Variants in SRPK1 observed in about 807,000 individuals in gnomAD.
SRPK1 encodes the protein SRSF protein kinase 1.
SRPK1 carries 52 observed loss-of-function variants against 89.5 expected under a neutral mutation model. The observed-to-expected ratio is 0.58, with a 90% CI of 0.46 to 0.73. SRPK1 has a LOEUF of 0.73. Among genes scored for constraint, SRPK1 ranks in the 30% least tolerant of loss-of-function variants. The pLI is 0.00. For missense variants in SRPK1, 603 were observed against 780.6 expected (o/e 0.77, Z 2.71); for synonymous variants, 255 against 270.2 (o/e 0.94, Z 0.55).
chr6:35,900,028 TA>T (rs201664683), intron 2 of SRPK1, among the ~76,000 whole-genome samples: 15 of 149,158 alleles, frequency 1.0e-4, no homozygotes, highest in Non-Finnish European at 1.5e-4. Context: ...AATAAAAAAA[TA>T]AAAAAAAATA....
intron 2 of SRPK1, among the ~76,000 whole-genome samples, chr6:35,915,633 T>C (rs1367215582): frequency 6.6e-6 from 1 of 151,986 alleles, no homozygotes; most frequent in Non-Finnish European, 1.5e-5. Context: ...CTCATGATAA[T>C]GTTAACTAGG....
chr6:35,848,833 C>T (rs772962343), intron 13 of SRPK1, among the ~76,000 whole-genome samples: 74 of 152,054 alleles, frequency 4.9e-4, no homozygotes, highest in Non-Finnish European at 7.6e-4. Context: ...CATCTCACTC[C>T]GAATACAAAA....
chr6:35,873,232 T>C (rs1770071976), intron 7 of SRPK1, among the ~76,000 whole-genome samples: 2 of 152,220 alleles, frequency 1.3e-5, no homozygotes, highest in South Asian at 2.1e-4. Flanking sequence ...TTTAGAAAAT[T>C]AGAAAATGCC....
At chr6:35,852,905 T>C (rs767395321) in intron 13 of SRPK1, among the ~76,000 whole-genome samples, 17 of 152,136 alleles carry the variant, frequency 1.1e-4, no homozygotes, top group Non-Finnish European at 2.2e-4. Flanking sequence ...TGACTGTAGA[T>C]TGAAAATATT....
At chr6:35,871,912 T>C (rs1245194120) in intron 8 of SRPK1, among the ~76,000 whole-genome samples, 1 of 152,130 alleles carries the variant, frequency 6.6e-6, no homozygotes, top group Non-Finnish European at 1.5e-5. Context: ...GGCTAATTTT[T>C]TTAATTTTTG....
At chr6:35,907,110 T>C (rs1209810281) in intron 2 of SRPK1, among the ~76,000 whole-genome samples, 1 of 152,084 alleles carries the variant, frequency 6.6e-6, no homozygotes, top group East Asian at 1.9e-4. Flanking sequence ...AGAATTGATG[T>C]TTCCTGATGA....
At chr6:35,853,762 G>A (rs1016503480) in intron 13 of SRPK1, among the ~76,000 whole-genome samples, 1 of 152,186 alleles carries the variant, frequency 6.6e-6, no homozygotes, top group South Asian at 2.1e-4. Flanking sequence ...AGAAAAGGAA[G>A]ACAACTGGGG....
At chr6:35,884,723 G>A (rs1265493485) in intron 6 of SRPK1, among the ~76,000 whole-genome samples, 5 of 152,142 alleles carry the variant, frequency 3.3e-5, no homozygotes, top group African/African-American at 9.7e-5. Flanking sequence ...CTTGGGGGCC[G>A]GGCACGGTGG....
chr6:35,838,788 C>T, intron 14 of SRPK1: 4 of 1,378,092 alleles, frequency 2.9e-6, no homozygotes, highest in Non-Finnish European at 3.9e-6. Flanking sequence ...CTATAATGTG[C>T]ACAATGTGGT....
intron 6 of SRPK1, among the ~76,000 whole-genome samples, chr6:35,874,822 T>C (rs116810229): frequency 0.013 from 2,011 of 152,310 alleles, 41 homozygotes; most frequent in African/African-American, 0.046. Flanking sequence ...CTCAAAAACG[T>C]AAATGCCAAC....
intron 12 of SRPK1, among the ~76,000 whole-genome samples, chr6:35,865,169 A>G (rs1769866864): frequency 6.6e-6 from 1 of 152,168 alleles, no homozygotes; most frequent in African/African-American, 2.4e-5. Flanking sequence ...ATATTTAAAA[A>G]TAACTAGAAG....
chr6:35,920,923 G>GT (rs960790760), intron 1 of SRPK1, 121 bp downstream of exon 1: 64 of 1,164,300 alleles, frequency 5.5e-5, no homozygotes, highest in Non-Finnish European at 7.2e-5. Flanking sequence ...CGCCACCTCA[G>GT]TGGAGGGGCG....
chr6:35,890,906 T>C lies in SRPK1; in HGVS notation c.182A>G (p.Asp61Gly). The C allele has an allele frequency of 2.6e-6, 4 of 1,550,908 alleles. No homozygotes were observed. The highest frequency in any genetic ancestry group is 3.5e-6 in the Non-Finnish European group (4 of 1,146,854). The change falls in exon 3 of 16, where the codon GAT becomes GGT. Residue 61 changes from aspartate (D) to glycine (G), a missense_variant. Physicochemically the swap from Asp to Gly is moderately conservative, Grantham distance 94 (BLOSUM62 -1). Coordinates refer to ENST00000373825, the MANE Select transcript of SRPK1 (RefSeq NM_003137.5). The part of the protein sequence containing the change: ...SDDDEQEDPN[D>G]YCKGGYHLVK... ...CTTTATGAACTTACCTTTACAATAA[T>C]CATTAGGATCTTCTTGCTCATCATC... is the stretch of plus-strand genomic sequence containing the variant.
At chr6:35,871,344 A>G (rs747987860) in intron 8 of SRPK1, among the ~76,000 whole-genome samples, 14 of 152,228 alleles carry the variant, frequency 9.2e-5, no homozygotes, top group Non-Finnish European at 1.9e-4. Context: ...CAAGAGCTAT[A>G]GTAATTTGCT....
intron 14 of SRPK1, 94 bp downstream of exon 14, chr6:35,842,441 C>T (rs143955521): frequency 2.3e-6 from 2 of 868,184 alleles, no homozygotes; most frequent in African/African-American, 3.5e-5. Flanking sequence ...TGCACACTAA[C>T]AAGACTAAGG....
intron 2 of SRPK1, among the ~76,000 whole-genome samples, chr6:35,897,109 G>A (rs1445918506): frequency 6.6e-6 from 1 of 152,130 alleles, no homozygotes; most frequent in Non-Finnish European, 1.5e-5. Context: ...CTTACAGGAG[G>A]ATAAAAATGC....
intron 12 of SRPK1, among the ~76,000 whole-genome samples, chr6:35,865,151 ATAAT>A (rs1265383264): frequency 6.6e-6 from 1 of 152,154 alleles, no homozygotes; most frequent in Non-Finnish European, 1.5e-5. Context: ...ATAGTGAATA[ATAAT>A]TATATATTTA....
rs187030264 is a variant in SRPK1 at position 35,920,910 on chromosome 6, C to T, written c.13+134G>A. The T allele has an allele frequency of 2.7e-4, 260 of 947,000 alleles. 1 individual carries two copies. Among genetic ancestry groups the T allele is most frequent in the Non-Finnish European group, 3.5e-4 (235 of 670,472 alleles). 58.7% of individuals were successfully genotyped at this position (947,000 alleles called of 1,614,324 possible). ...CAGCCCAGAGGCAGGGGGTGTGGGG[C>T]GGCGCCACCTCAGTGGAGGGGCGCC... On this transcript the variant is annotated intron_variant, in intron 1 of 15. Transcript: ENST00000373825.
At position 35,916,116 on chromosome 6, in the gene SRPK1, C is replaced by T. The variant is rs570335227; in HGVS notation, c.74+4352G>A. On this transcript the variant is annotated intron_variant, in intron 2 of 15. Transcript: ENST00000373825. The stretch of plus-strand genomic sequence containing the variant: ...GTATGTGCCTGTAATCCCAGCTACT[C>T]GAGAAACTGAGACAGGAGAATCGCT... Among the ~76,000 whole-genome samples the T allele has an allele frequency of 2.6e-4, 38 of 144,622 alleles. 1 individual carries two copies. The highest frequency in any genetic ancestry group is 6.3e-4 in the Admixed American group (9 of 14,354). 94.9% of individuals were successfully genotyped at this position (144,622 alleles called of 152,430 possible).
Sources: gnomAD v4.1 joint callset for allele counts (sites outside exome capture counted in the v4.1 genomes callset) on GRCh38, gnomAD v4.1.1 for gene constraint, MANE v1.5 for transcripts, NCBI Gene and HGNC (gene_info 2026-07-23, HGNC 2026-07-21) for gene names.